Variants in PUS1 observed in about 807,000 individuals in gnomAD.
PUS1 encodes the protein pseudouridylate synthase 1 homolog.
In PUS1, 25 loss-of-function variants were observed where a neutral mutation model predicts 38.5. The observed-to-expected ratio is 0.65, with a 90% confidence interval of 0.47 to 0.91. PUS1 has a LOEUF of 0.91. Among genes scored for constraint, PUS1 ranks in the 40% least tolerant of loss-of-function variants. PUS1 has a pLI of 0.00. For synonymous variants in PUS1, 282 were observed against 260.4 expected (o/e 1.08, Z -0.80); for missense variants, 597 against 612.3 (o/e 0.97, Z 0.26).
At chr12:131,932,662 CTGCAAAG>C (rs1890657577) in intron 3 of PUS1, 2 of 435,212 alleles carry the variant, frequency 4.6e-6, no homozygotes, top group East Asian at 9.9e-5. Flanking sequence ...AATTGTGTGG[CTGCAAAG>C]GCAGAGAGCC....
chr12:131,939,372 A>G (rs1223564437), intron 4 of PUS1, 97 bp downstream of exon 4: 2 of 832,370 alleles, frequency 2.4e-6, no homozygotes, highest in African/African-American at 1.7e-5. Context: ...ACTGTCTCTG[A>G]TGCAGAAGCG....
chr12:131,944,497 G>C lies in PUS1; in HGVS notation c.*911G>C. 6.6e-6 allele frequency: 1 copy of C among 152,280 alleles called. No homozygotes were observed. The highest frequency in any genetic ancestry group is 1.5e-5 in the Non-Finnish European group (1 of 68,172). The allele number at this position is 152,280 out of a possible 1,614,324, so 9.4% of individuals were successfully genotyped here. Reference sequence around the variant, plus strand: ...CCACTGCACTCCAGCCTGGGTGAGAGAGCCAAACTCCGTCAAAAAAAAAAC... The same window carrying C: ...CCACTGCACTCCAGCCTGGGTGAGACAGCCAAACTCCGTCAAAAAAAAAAC... On this transcript the variant is annotated 3_prime_UTR_variant, in exon 6 of 6. Transcript: ENST00000376649.
At position 131,929,684 on chromosome 12, in the gene PUS1, G is replaced by T. The variant is rs370019380; in HGVS notation, c.-39G>T. 4 of 1,528,474 alleles carry T rather than the reference G, an allele frequency of 2.6e-6. No individual in the cohort carries two copies. Among genetic ancestry groups the T allele is most frequent in the Non-Finnish European group, 3.5e-6 (4 of 1,141,516 alleles). 94.7% of individuals were successfully genotyped at this position (1,528,474 alleles called of 1,614,324 possible). A position where few individuals can be genotyped will look rare whatever the true frequency, so the allele number is the denominator to read the frequency against. ...GCTGGGGCACTGGGGGTCAGGGGTCGGGGATCAGGGCGGGGTCGGGTGCAC... is the reference window on the plus strand; with the variant it reads ...GCTGGGGCACTGGGGGTCAGGGGTCTGGGATCAGGGCGGGGTCGGGTGCAC... On this transcript the variant is annotated 5_prime_UTR_variant, in exon 1 of 6. Transcript: ENST00000376649.
rs149262561 is a variant in PUS1, at chr12:131,942,163, T to G, written c.1236+180T>G. 3.3e-5 allele frequency among the ~76,000 whole-genome samples: 5 copies of G among 152,180 alleles called. No individual in the cohort carries two copies. In the East Asian group the frequency reaches 9.7e-4, roughly 29 times the overall value. On this transcript the variant is annotated intron_variant, in intron 5 of 5. Transcript: ENST00000376649. The stretch of plus-strand genomic sequence containing the variant: ...TTGTCTGCATGCCTGCGCCACCCAC[T>G]TGCTCCCCCACGGGGTGCTTTTCGA...
chr12:131,934,712 G>C (rs1461404217), intron 3 of PUS1: 1 of 152,232 alleles, frequency 6.6e-6, no homozygotes, highest in Non-Finnish European at 1.5e-5. Context: ...TTTGGCAGAC[G>C]GGGACAGCAG....
At chr12:131,940,338 T>G (rs1361826567) in intron 4 of PUS1, among the ~76,000 whole-genome samples, 1 of 152,172 alleles carries the variant, frequency 6.6e-6, no homozygotes, top group African/African-American at 2.4e-5. Flanking sequence ...GCCCACAGCC[T>G]GATTATTTTA....
In PUS1 at chr12:131,941,842, C is replaced by G; in HGVS notation, c.1095C>G (p.Val365=). ...ACTGGGCGCAGGAGGAAGGAAAGGT[C>G]GCAGCCTTCAAGGAGGAGCACATCT... ...PLDWAQEEGK[V]AAFKEEHIYP... is the part of the protein sequence containing the mutation. Residue 365 remains valine, a synonymous_variant, in exon 5 of 6, where the codon GTC becomes GTG. Coordinates refer to ENST00000376649, the MANE Select transcript of PUS1 (RefSeq NM_025215.6). The surrounding 1 kb of genome is among the most constrained non-coding windows in gnomAD (Gnocchi z 4.4). 2 of 1,614,018 alleles carry G rather than the reference C, an allele frequency of 1.2e-6. No homozygotes were observed. The highest frequency in any genetic ancestry group is 1.7e-6 in the Non-Finnish European group (2 of 1,180,024).
Position 131,929,928 on chromosome 12 carries a change from C to G in PUS1, c.96C>G (p.Asn32Lys). The G allele has an allele frequency of 6.8e-7, 1 of 1,478,276 alleles. No individual in the cohort carries two copies. The highest frequency in any genetic ancestry group is 8.9e-7 in the Non-Finnish European group (1 of 1,121,478). The allele number at this position is 1,478,276 out of a possible 1,614,324, so 91.6% of individuals were successfully genotyped here. A position where few individuals can be genotyped will look rare whatever the true frequency, so the allele number is the denominator to read the frequency against. The change falls in exon 2 of 6, where the codon AAC (asparagine) becomes AAG (lysine). Residue 32 changes from asparagine to lysine, a missense_variant. Coordinates refer to ENST00000376649, the MANE Select transcript of PUS1 (RefSeq NM_025215.6). ...RPSCSPRMAGNAEPPPAGAAC... is the reference protein window; with the variant it reads ...RPSCSPRMAGKAEPPPAGAAC... Reference sequence around the variant, plus strand: ...GCAGCTCGCCGCGCATGGCCGGGAACGCGGAGCCGCCGCCCGCCGGAGCCG... The same window carrying G: ...GCAGCTCGCCGCGCATGGCCGGGAAGGCGGAGCCGCCGCCCGCCGGAGCCG...
chr12:131,932,203 C>T lies in PUS1; in HGVS notation c.332C>T (p.Thr111Ile). ...AATGTCGGGTCCTCACAATTCAAAA[C>T]AATTGAAGATGACTTGGTGTCCGCC... ...QRNVGSSQFK[T>I]IEDDLVSALV... The change falls in exon 3 of 6, where the codon ACA becomes ATA. Residue 111 changes from threonine (T) to isoleucine (I), a missense_variant. Thr to Ile is a moderately conservative substitution (Grantham distance 89). Transcript: ENST00000376649. 6.2e-7 allele frequency: 1 copy of T among 1,614,036 alleles called. No individual in the cohort carries two copies.
At position 131,944,589 on chromosome 12, in the gene PUS1, A is replaced by G. The variant is rs939081268; in HGVS notation, c.*1003A>G. 6.6e-6 allele frequency: 1 copy of G among 152,228 alleles called. No individual in the cohort carries two copies. The highest frequency in any genetic ancestry group is 1.5e-5 in the Non-Finnish European group (1 of 68,180). 9.4% of individuals were successfully genotyped at this position (152,228 alleles called of 1,614,324 possible). ...GAGGCAGGGCTGTGGAGGGCACTGA[A>G]GCAGGGGCCCCGCTGACCTGCCGCA... On this transcript the variant is annotated 3_prime_UTR_variant, in exon 6 of 6. Coordinates refer to ENST00000376649, the MANE Select transcript of PUS1 (RefSeq NM_025215.6).
chr12:131,939,341 T>C (rs1186786424), intron 4 of PUS1, 66 bp downstream of exon 4: 37 of 1,000,850 alleles, frequency 3.7e-5, no homozygotes, highest in Middle Eastern at 4.2e-4. Context: ...CACGAGGCTA[T>C]GCATGCTCCT....
At chr12:131,937,053 T>A (rs1390843646) in intron 3 of PUS1, among the ~76,000 whole-genome samples, 1 of 152,168 alleles carries the variant, frequency 6.6e-6, no homozygotes, top group East Asian at 1.9e-4. Context: ...GTATTTTCTT[T>A]CCCTTTTTTG....
intron 3 of PUS1, among the ~76,000 whole-genome samples, chr12:131,933,541 C>G (rs1237091230): frequency 6.6e-6 from 1 of 152,240 alleles, no homozygotes; most frequent in African/African-American, 2.4e-5. Context: ...ACTGTTCCTT[C>G]AGAACCACAA....
Position 131,939,200 on chromosome 12 carries a change from T to A in PUS1, c.469T>A (p.Ser157Thr), listed in dbSNP as rs1890962788. ...TGTGTCCGCAGCCGGCCAGGTGGTA[T>A]CCCTGAAGGTGTGGCTGATTGACGA... is the stretch of plus-strand genomic sequence containing the variant. ...KGVSAAGQVV[S>T]LKVWLIDDIL... The change falls in exon 4 of 6, where the codon TCC becomes ACC. Residue 157 changes from serine (S) to threonine (T), a missense_variant. Coordinates refer to ENST00000376649, the MANE Select transcript of PUS1 (RefSeq NM_025215.6). 1 of 1,560,940 alleles carries A rather than the reference T, an allele frequency of 6.4e-7. No individual in the cohort carries two copies. Among genetic ancestry groups the A allele is most frequent in the African/African-American group, 1.4e-5 (1 of 73,292 alleles).
chr12:131,934,962 G>A (rs1274223069), intron 3 of PUS1: 1 of 152,242 alleles, frequency 6.6e-6, no homozygotes, highest in Non-Finnish European at 1.5e-5. Context: ...GATCCCTGGG[G>A]ATCCATGGAT....
intron 4 of PUS1, among the ~76,000 whole-genome samples, chr12:131,939,818 G>A (rs1275370646): frequency 6.6e-6 from 1 of 152,082 alleles, no homozygotes; most frequent in Non-Finnish European, 1.5e-5. Context: ...TCATTTTTGA[G>A]TTTGTAGAGA....
At position 131,944,199 on chromosome 12, in the gene PUS1, A is replaced by G. The variant is rs1350096314; in HGVS notation, c.*613A>G. ...GCTGCCCTGATTGCCACTGCACTCA[A>G]AAAAAAAAAAAACAACAACAACCAA... On this transcript the variant is annotated 3_prime_UTR_variant, in exon 6 of 6. Transcript: ENST00000376649. 2.7e-5 allele frequency: 4 copies of G among 147,594 alleles called. No individual in the cohort carries two copies. The highest frequency in any genetic ancestry group is 9.9e-5 in the African/African-American group (4 of 40,340). The allele number at this position is 147,594 out of a possible 1,614,324, so 9.1% of individuals were successfully genotyped here. A position where few individuals can be genotyped will look rare whatever the true frequency, so the allele number is the denominator to read the frequency against.
At chr12:131,933,912 C>G (rs1890715991) in intron 3 of PUS1, among the ~76,000 whole-genome samples, 1 of 152,214 alleles carries the variant, frequency 6.6e-6, no homozygotes, top group Non-Finnish European at 1.5e-5. Context: ...GGACGCACTG[C>G]TATTTATTGT....
rs1386093834 is a variant in PUS1 at position 131,941,546 on chromosome 12, T to G, written c.799T>G (p.Tyr267Asp). The G allele has an allele frequency of 1.2e-6, 2 of 1,614,102 alleles. No homozygotes were observed. Among genetic ancestry groups the G allele is most frequent in the African/African-American group, 2.7e-5 (2 of 74,940 alleles). Residue 267 changes from tyrosine (Y) to aspartate (D), a missense_variant, in exon 5 of 6, where the codon TAC (tyrosine) becomes GAC (aspartate). Physicochemically the swap from Tyr to Asp is radical, Grantham distance 160. Coordinates refer to ENST00000376649, the MANE Select transcript of PUS1 (RefSeq NM_025215.6). This position sits in a 1 kb window ranked among gnomAD's most constrained non-coding sequence, Gnocchi z 4.4. ...TGCCTGCCGCTACATCCTGGAGATG[T>G]ACTGCGAGGAACCCTTTGTGCGGGA... ...PSACRYILEMYCEEPFVREGL... is the reference protein window; with the variant it reads ...PSACRYILEMDCEEPFVREGL...
Sources: allele counts gnomAD v4.1 joint callset (sites outside exome capture counted in the v4.1 genomes callset), GRCh38; gene constraint gnomAD v4.1.1; non-coding constraint Gnocchi (gnomAD v3.1); transcripts MANE v1.5; gene names NCBI Gene and HGNC (gene_info 2026-07-23, HGNC 2026-07-21).